The following PARD3B variants were observed in gnomAD, a reference collection of about 807,000 sequenced individuals.
PARD3B encodes partitioning defective 3 homolog B.
In PARD3B, 103 loss-of-function variants were observed where a neutral mutation model predicts 130.2. The observed-to-expected ratio is 0.79, with a 90% CI of 0.67 to 0.93. PARD3B has a LOEUF of 0.93. Among genes scored for constraint, PARD3B ranks in the 40% least tolerant of loss-of-function variants. PARD3B has a pLI of 0.00. For missense variants in PARD3B, 1,609 were observed against 1,499.2 expected (o/e 1.07, Z -1.21); for synonymous variants, 583 against 553.2 (o/e 1.05, Z -0.76).
chr2:204,711,554 C>CT (rs1259546777), intron 2 of PARD3B, among the ~76,000 whole-genome samples: 13 of 150,124 alleles, frequency 8.7e-5, no homozygotes, highest in East Asian at 3.9e-4. Context: ...TTTCTTTTTT[C>CT]TTTTTTTTTC....
chr2:204,658,799 T>C (rs1488354804), intron 1 of PARD3B, among the ~76,000 whole-genome samples: 1 of 152,180 alleles, frequency 6.6e-6, no homozygotes, highest in Non-Finnish European at 1.5e-5. Context: ...AAGTCCTAAC[T>C]TTTATTTCCA....
intron 2 of PARD3B, among the ~76,000 whole-genome samples, chr2:204,860,643 T>C (rs138276482): frequency 6.6e-6 from 1 of 152,182 alleles, no homozygotes; most frequent in East Asian, 1.9e-4. Flanking sequence ...TGTTATTAAG[T>C]TTCCTAAGTG....
In PARD3B at chr2:205,037,347, G is replaced by A. The variant is rs1698046573; in HGVS notation, c.395-10234G>A. Among the ~76,000 whole-genome samples, 5 of 89,276 alleles carry A rather than the reference G, an allele frequency of 5.6e-5. 1 individual carries two copies. The South Asian group carries it at 2.7e-3, about 48-fold the overall frequency. 58.6% of individuals were successfully genotyped at this position (89,276 alleles called of 152,430 possible). On this transcript the variant is annotated intron_variant, in intron 3 of 22. Transcript: ENST00000406610. ...ACTATTTGTATAAAATATATATAGT[G>A]GACTATTTGTATAAAATATATATAG...
intron 18 of PARD3B, among the ~76,000 whole-genome samples, chr2:205,324,627 T>A (rs2042875862): frequency 6.6e-6 from 1 of 152,174 alleles, no homozygotes; most frequent in African/African-American, 2.4e-5. Context: ...ATTCCAGCTG[T>A]CATATTCTGT....
intron 18 of PARD3B, among the ~76,000 whole-genome samples, chr2:205,335,297 T>C (rs1178898399): frequency 6.6e-6 from 1 of 152,216 alleles, no homozygotes; most frequent in Non-Finnish European, 1.5e-5. Context: ...ACAGCAAATG[T>C]CTACAATGTC....
chr2:204,711,633 C>T (rs2038440792), intron 2 of PARD3B, among the ~76,000 whole-genome samples: 1 of 151,992 alleles, frequency 6.6e-6, no homozygotes, highest in South Asian at 2.1e-4. Flanking sequence ...GCAACCTCTG[C>T]CTCCCAGGTT....
At position 205,263,541 on chromosome 2, in the gene PARD3B, C is replaced by T. The variant is rs1008310005; in HGVS notation, c.2185+17719C>T. Among the ~76,000 whole-genome samples the T allele has an allele frequency of 1.9e-4, 28 of 150,960 alleles. 1 individual carries two copies. Among genetic ancestry groups the T allele is most frequent in the Non-Finnish European group, 3.5e-4 (24 of 67,612 alleles). On this transcript the variant is annotated intron_variant, in intron 16 of 22. Coordinates refer to ENST00000406610, the MANE Select transcript of PARD3B (RefSeq NM_001302769.2). This position sits in a 1 kb window ranked among gnomAD's most constrained non-coding sequence, Gnocchi z 4.0. ...CAAAAAGAAAAGAAAAAATAACCTCCGTCTATACCTTACACCATATAAGAA... is the reference window on the plus strand; with the variant it reads ...CAAAAAGAAAAGAAAAAATAACCTCTGTCTATACCTTACACCATATAAGAA...
intron 11 of PARD3B, among the ~76,000 whole-genome samples, chr2:205,171,165 G>A (rs1436727872): frequency 2.0e-5 from 3 of 152,042 alleles, no homozygotes; most frequent in African/African-American, 7.3e-5. Flanking sequence ...GACTTTATTA[G>A]CAGCAGCAGC....
intron 15 of PARD3B, among the ~76,000 whole-genome samples, chr2:205,194,089 A>C (rs930102103): frequency 1.3e-5 from 2 of 152,220 alleles, no homozygotes; most frequent in African/African-American, 4.8e-5. Context: ...GTATGGATAC[A>C]ATAAATTCTC....
In PARD3B at chr2:205,105,312, A is replaced by G. The variant is rs145129877; in HGVS notation, c.593+798A>G. The stretch of plus-strand genomic sequence containing the variant: ...AGTGTTTGCTGCTGTTTCTACTACT[A>G]TCATTAATATCACATCATCTCTATT... On this transcript the variant is annotated intron_variant, in intron 5 of 22. Coordinates refer to ENST00000406610, the MANE Select transcript of PARD3B (RefSeq NM_001302769.2). The surrounding 1 kb of genome is among the most constrained non-coding windows in gnomAD (Gnocchi z 4.0). Among the ~76,000 whole-genome samples, 362 of 152,266 alleles carry G rather than the reference A, an allele frequency of 2.4e-3. 5 individuals are homozygous for G. Among genetic ancestry groups the G allele is most frequent in the African/African-American group, 8.4e-3 (350 of 41,536 alleles).
intron 21 of PARD3B, among the ~76,000 whole-genome samples, chr2:205,518,105 G>A (rs1412330798): frequency 6.6e-6 from 1 of 152,070 alleles, no homozygotes; most frequent in Non-Finnish European, 1.5e-5. Context: ...GTTCCATTTG[G>A]TCCAGTGTTG....
At chr2:205,437,011 A>G (rs74710504) in intron 19 of PARD3B, among the ~76,000 whole-genome samples, 1 of 151,936 alleles carries the variant, frequency 6.6e-6, no homozygotes, top group Non-Finnish European at 1.5e-5. Context: ...TTACCGTACA[A>G]TTCCAGGGTC....
chr2:204,716,873 C>T (rs904572665), intron 2 of PARD3B, among the ~76,000 whole-genome samples: 6 of 152,110 alleles, frequency 3.9e-5, no homozygotes, highest in South Asian at 2.1e-4. Flanking sequence ...CTGCCTGCGT[C>T]GGCCTCCCAA....
Position 205,618,275 on chromosome 2 carries a change from TGACA to T in PARD3B, c.*2469_*2472del, listed in dbSNP as rs1019535738. On this transcript the variant is annotated 3_prime_UTR_variant, in exon 23 of 23. Transcript: ENST00000406610. Reference sequence around the variant, plus strand: ...CTGAAAGAAGCTAACATTATATTTGTGACAGACAGAGGCTCCATCAAGCCAAGCA... The same window carrying T: ...CTGAAAGAAGCTAACATTATATTTGTGACAGAGGCTCCATCAAGCCAAGCA... 8.5e-5 allele frequency: 13 copies of T among 152,236 alleles called. No individual in the cohort carries two copies. Among genetic ancestry groups the T allele is most frequent in the South Asian group, 2.1e-4 (1 of 4,836 alleles). The allele number at this position is 152,236 out of a possible 1,614,324, so 9.4% of individuals were successfully genotyped here.
At chr2:205,516,173 T>C (rs190425879) in intron 21 of PARD3B, among the ~76,000 whole-genome samples, 1 of 152,296 alleles carries the variant, frequency 6.6e-6, no homozygotes, top group African/African-American at 2.4e-5. Flanking sequence ...TTTGTACCAG[T>C]ACCATGCTGT....
At chr2:205,485,556 G>T (rs9288365) in intron 20 of PARD3B, among the ~76,000 whole-genome samples, 2,699 of 152,246 alleles carry the variant, frequency 0.018, 85 homozygotes, top group African/African-American at 0.061. Flanking sequence ...GATATATGGG[G>T]TTACAGAGAG....
At chr2:205,225,711 G>A (rs1287736587) in intron 15 of PARD3B, among the ~76,000 whole-genome samples, 1 of 152,094 alleles carries the variant, frequency 6.6e-6, no homozygotes, top group African/African-American at 2.4e-5. Flanking sequence ...GTCAGACCAG[G>A]ATAAAGAGAG....
At chr2:204,955,752 T>A (rs1422550173) in intron 2 of PARD3B, among the ~76,000 whole-genome samples, 1 of 152,220 alleles carries the variant, frequency 6.6e-6, no homozygotes, top group Non-Finnish European at 1.5e-5. Context: ...TAGTAAGGGC[T>A]ATATAAGTAT....
At chr2:205,382,853 T>C (rs1020888938) in intron 18 of PARD3B, among the ~76,000 whole-genome samples, 1 of 152,066 alleles carries the variant, frequency 6.6e-6, no homozygotes, top group Non-Finnish European at 1.5e-5. Flanking sequence ...GGATAGCTCA[T>C]GTTCCATTTT....
Sources: gnomAD v4.1 joint callset for allele counts (sites outside exome capture counted in the v4.1 genomes callset) on GRCh38, gnomAD v4.1.1 for gene constraint, Gnocchi (gnomAD v3.1) non-coding constraint, MANE v1.5 for transcripts, NCBI Gene and HGNC (gene_info 2026-07-23, HGNC 2026-07-21) for gene names.